NEB: variants seen among roughly 807,000 people sequenced by gnomAD.
NEB encodes the protein nebulin.
In NEB, 512 loss-of-function variants were observed where a neutral mutation model predicts 952.2. The observed-to-expected ratio is 0.54, with a 90% CI of 0.50 to 0.58. The LOEUF (loss-of-function observed/expected upper bound fraction) is 0.58. NEB is among the 20% of genes least tolerant of loss of function. NEB has a pLI of 0.00. For synonymous variants in NEB, 2,900 were observed against 3,149.8 expected, an observed-to-expected ratio of 0.92 and a Z score of 2.66; for missense variants, 8,428 against 9,231.1, an observed-to-expected ratio of 0.91 and a Z score of 3.56.
intron 27 of NEB, among the ~76,000 whole-genome samples, chr2:151,686,343 A>G (rs1559241272): frequency 1.3e-5 from 2 of 152,250 alleles, no homozygotes; most frequent in Non-Finnish European, 2.9e-5. Context: ...TTGGTCATCT[A>G]CATCAATCAA....
At chr2:151,550,506 C>T (rs980522786) in intron 129 of NEB, among the ~76,000 whole-genome samples, 8 of 152,124 alleles carry the variant, frequency 5.3e-5, no homozygotes, top group Non-Finnish European at 1.0e-4. Flanking sequence ...GACATCAGGC[C>T]GTGAAGAGGT....
intron 47 of NEB, 48 bp downstream of exon 47, chr2:151,659,017 T>C: frequency 7.7e-7 from 1 of 1,297,710 alleles, no homozygotes; most frequent in Non-Finnish European, 1.1e-6. Context: ...TTCTTACTGG[T>C]TCAAATCTGC....
chr2:151,489,022 G>A (rs2053749156), intron 181 of NEB, among the ~76,000 whole-genome samples: 1 of 152,066 alleles, frequency 6.6e-6, no homozygotes, highest in Non-Finnish European at 1.5e-5. Context: ...TATCCTTGCA[G>A]CTTTTTCAAA....
Position 151,669,043 on chromosome 2 carries a change from G to T in NEB, c.4595C>A (p.Ala1532Asp), listed in dbSNP as rs1456966310. The T allele has an allele frequency of 3.1e-6, 5 of 1,592,796 alleles. No individual in the cohort carries two copies. Among genetic ancestry groups the T allele is most frequent in the Admixed American group, 1.7e-5 (1 of 57,582 alleles). The change falls in exon 39 of 182, where the codon GCC (alanine) becomes GAC (aspartate). Residue 1532 changes from alanine (A) to aspartate (D), a missense_variant. Ala to Asp is a moderately radical substitution (Grantham distance 126, BLOSUM62 -2). Transcript: ENST00000397345. ...LPQFIQAKVN[A>D]LNMSDAHYKA... ...AATACTCACATCACTCATGTTGAGG[G>T]CGTTGACTTTGGCTTGAATAAACTG...
At chr2:151,650,976 G>C (rs985941165) in intron 52 of NEB, 91 bp from the exon 53 acceptor site, 2 of 1,251,652 alleles carry the variant, frequency 1.6e-6, no homozygotes, top group Non-Finnish European at 2.2e-6. Flanking sequence ...TCTTTTTTTT[G>C]AGACAGGGGT....
rs117720056 is a variant in NEB, at chr2:151,665,635, G to A, written c.5032-96C>T. ...CTTACAATCAAAAAGAAAAAGAGAA[G>A]CTGGGAGGGGGAGAATAATCTGCTT... is the stretch of plus-strand genomic sequence containing the variant. On this transcript the variant is annotated intron_variant, in intron 41 of 181. Coordinates refer to ENST00000397345, the MANE Select transcript of NEB (RefSeq NM_001164508.2). 3,731 of 1,057,582 alleles carry A rather than the reference G, an allele frequency of 3.5e-3. 101 individuals carry two copies. The East Asian group carries it at 0.063, about 18-fold the overall frequency. 65.5% of individuals were successfully genotyped at this position (1,057,582 alleles called of 1,614,324 possible). A position where few individuals can be genotyped will look rare whatever the true frequency, so the allele number is the denominator to read the frequency against.
chr2:151,727,924 A>C lies in NEB; in HGVS notation c.79-18T>G. 1.3e-6 allele frequency: 2 copies of C among 1,592,186 alleles called. No homozygotes were observed. Among genetic ancestry groups the C allele is most frequent in the Non-Finnish European group, 1.7e-6 (2 of 1,161,734 alleles). ...GTTATTGTCTGAAAATTTGATATGCAGTTCAACATTGTTGTGAAAGTAAAA... is the reference window on the plus strand; with the variant it reads ...GTTATTGTCTGAAAATTTGATATGCCGTTCAACATTGTTGTGAAAGTAAAA... On this transcript the variant is annotated intron_variant, in intron 4 of 181. Coordinates refer to ENST00000397345, the MANE Select transcript of NEB (RefSeq NM_001164508.2).
At chr2:151,609,278 C>CG (rs1560366483) in intron 81 of NEB, among the ~76,000 whole-genome samples, 2 of 151,768 alleles carry the variant, frequency 1.3e-5, no homozygotes, top group African/African-American at 4.8e-5. Flanking sequence ...ATGGGGTTGA[C>CG]GGGATAAGTG....
At chr2:151,680,119 G>A (rs1043082254) in intron 30 of NEB, 97 bp from the exon 31 acceptor site, 41 of 921,284 alleles carry the variant, frequency 4.5e-5, no homozygotes, top group East Asian at 2.6e-5. Context: ...TTTCACAGAG[G>A]TGGTTTTAGG....
chr2:151,713,496 T>A (rs576634277), intron 10 of NEB, among the ~76,000 whole-genome samples: 12 of 152,190 alleles, frequency 7.9e-5, no homozygotes, highest in African/African-American at 2.9e-4. Flanking sequence ...GGGCCTGGTA[T>A]CCTCATGCTG....
intron 48 of NEB, 22 bp from the exon 49 acceptor site, chr2:151,656,486 T>C: frequency 6.6e-7 from 1 of 1,526,192 alleles, no homozygotes; most frequent in Non-Finnish European, 8.9e-7. Context: ...ATATGAGTTT[T>C]TACACAGAGC....
At chr2:151,575,938 G>A (rs554455877) in intron 106 of NEB, 139 bp from the exon 107 acceptor site, 17 of 774,430 alleles carry the variant, frequency 2.2e-5, no homozygotes, top group Admixed American at 7.4e-5. Context: ...ATCTTTTCAC[G>A]TAAGTTACTC....
In NEB at chr2:151,627,614, A is replaced by G. The variant is rs1277175715; in HGVS notation, c.10052T>C (p.Val3351Ala). The change falls in exon 69 of 182, where the codon GTG becomes GCG. Residue 3351 changes from valine (V) to alanine (A), a missense_variant. By Grantham distance (64) the Val-to-Ala change is moderately conservative. This residue lies in a region of NEB where 1,772 missense variants were observed against 1,960.3 expected (regional missense o/e 0.90). Coordinates refer to ENST00000397345, the MANE Select transcript of NEB (RefSeq NM_001164508.2). ...CTCGTGCAGGTAGTTCTTGTAGTCCACATCGCTGACTAAGGTCTGGCACTT... is the reference window on the plus strand; with the variant it reads ...CTCGTGCAGGTAGTTCTTGTAGTCCGCATCGCTGACTAAGGTCTGGCACTT... ...AKKCQTLVSD[V>A]DYKNYLHEWT... The G allele has an allele frequency of 6.2e-7, 1 of 1,614,028 alleles. No homozygotes were observed.
rs558601807 is a variant in NEB at position 151,537,365 on chromosome 2, A to C, written c.21103-129T>G. 2.1e-5 allele frequency: 12 copies of C among 575,980 alleles called. 1 individual carries two copies. Among genetic ancestry groups the C allele is most frequent in the Middle Eastern group, 4.3e-4 (1 of 2,326 alleles). The allele number at this position is 575,980 out of a possible 1,614,324, so 35.7% of individuals were successfully genotyped here. ...ATATAAAATAATAAAGTATTAAAACAATTATTTAAAAGACATTTTCAGTAA... is the reference window on the plus strand; with the variant it reads ...ATATAAAATAATAAAGTATTAAAACCATTATTTAAAAGACATTTTCAGTAA... On this transcript the variant is annotated intron_variant, in intron 140 of 181. Transcript: ENST00000397345.
In NEB at chr2:151,492,481, T is replaced by G. The variant is rs1553529976; in HGVS notation, c.24779A>C (p.Asp8260Ala). The change falls in exon 177 of 182, where the codon GAT becomes GCT. Residue 8260 changes from aspartate to alanine, a missense_variant. This residue lies in a region of NEB where 3,374 missense variants were observed against 3,651.5 expected (regional missense o/e 0.92). Transcript: ENST00000397345. Reference sequence around the variant, plus strand: ...GCCTTGTATTTGTTTCCGGAAACTATCAGAATAAAGAACCTGATGCAGGAG... The same window carrying G: ...GCCTTGTATTTGTTTCCGGAAACTAGCAGAATAAAGAACCTGATGCAGGAG... ...QENISSVLYS[D>A]SFRKQIQGKA... is the part of the protein sequence containing the mutation. The G allele has an allele frequency of 6.2e-7, 1 of 1,612,638 alleles. No homozygotes were observed. Among genetic ancestry groups the G allele is most frequent in the South Asian group, 1.1e-5 (1 of 90,990 alleles).
At position 151,616,085 on chromosome 2, in the gene NEB, C is replaced by T. The variant is rs1392401248; in HGVS notation, c.11206G>A (p.Glu3736Lys). Residue 3736 changes from glutamate (E) to lysine (K), a missense_variant, in exon 76 of 182, where the codon GAG becomes AAG. By Grantham distance (56) the Glu-to-Lys change is moderately conservative (BLOSUM62 1). Coordinates refer to ENST00000397345, the MANE Select transcript of NEB (RefSeq NM_001164508.2). ...AAGTCATAGCCTTCCTTCTTGGACT[C>T]TTCCAAAGCAAGTTTATAGAGTTTC... ...SDKLYKLALEESKKEGYDLRL... is the reference protein window; with the variant it reads ...SDKLYKLALEKSKKEGYDLRL... 1 of 1,612,552 alleles carries T rather than the reference C, an allele frequency of 6.2e-7. No homozygotes were observed. Among genetic ancestry groups the T allele is most frequent in the Non-Finnish European group, 8.5e-7 (1 of 1,179,270 alleles).
intron 107 of NEB, among the ~76,000 whole-genome samples, chr2:151,574,880 C>T (rs1578200573): frequency 6.6e-6 from 1 of 152,022 alleles, no homozygotes; most frequent in Middle Eastern, 3.4e-3. Context: ...CACAGGTGCA[C>T]CTCACTTTGC....
intron 130 of NEB, 70 bp from the exon 131 acceptor site, chr2:151,548,485 GAA>G: frequency 9.5e-7 from 1 of 1,047,390 alleles, no homozygotes; most frequent in East Asian, 2.4e-5. Flanking sequence ...TCTCCAAATA[GAA>G]AAGAGATGTC....
chr2:151,640,615 G>T lies in NEB; in HGVS notation c.8425C>A (p.Arg2809=). ...RKQLGHHIGA[R]AIRDDPKMMW... is the part of the protein sequence containing the mutation. ...ATCTTGGGGTCATCACGTATAGCTCGGGCACCAATGTGGTGGCCGAGCTGC... is the reference window on the plus strand; with the variant it reads ...ATCTTGGGGTCATCACGTATAGCTCTGGCACCAATGTGGTGGCCGAGCTGC... The change falls in exon 61 of 182, where the codon CGA becomes AGA. Residue 2809 remains arginine (R), a synonymous_variant. Coordinates refer to ENST00000397345, the MANE Select transcript of NEB (RefSeq NM_001164508.2). The T allele has an allele frequency of 6.2e-7, 1 of 1,613,756 alleles. No individual in the cohort carries two copies. The highest frequency in any genetic ancestry group is 8.5e-7 in the Non-Finnish European group (1 of 1,179,806).
Sources: allele counts gnomAD v4.1 joint callset (sites outside exome capture counted in the v4.1 genomes callset), GRCh38; gene constraint gnomAD v4.1.1; regional missense constraint gnomAD v4.1.1; transcripts MANE v1.5; gene names NCBI Gene and HGNC (gene_info 2026-07-23, HGNC 2026-07-21).